RBFOX1: variants seen among roughly 807,000 people sequenced by gnomAD.
RBFOX1 encodes the protein RNA binding fox-1 homolog 1.
A neutral mutation model predicts 57.7 loss-of-function variants in RBFOX1; 8 were observed. The ratio of observed to expected loss-of-function variants is 0.14; its 90% CI spans 0.08 to 0.25. The LOEUF is 0.25. RBFOX1 is among the 10% of genes least tolerant of loss of function. RBFOX1 has a pLI of 1.00. For synonymous variants in RBFOX1, 326 were observed against 222.4 expected (o/e 1.47, Z -4.15); for missense variants, 611 against 548.5 (o/e 1.11, Z -1.14).
chr16:5,995,733 C>T (rs568150920), intron 4 of RBFOX1, among the ~76,000 whole-genome samples: 3 of 152,092 alleles, frequency 2.0e-5, no homozygotes, highest in Non-Finnish European at 4.4e-5. Context: ...GTTCCTGGGG[C>T]TCTTAGATCA....
chr16:7,407,402 G>GTGTGTA (rs1449028235), intron 4 of RBFOX1, among the ~76,000 whole-genome samples: 2 of 137,414 alleles, frequency 1.5e-5, no homozygotes, highest in Non-Finnish European at 3.1e-5. Context: ...GTGTGTGTGT[G>GTGTGTA]TGTATGTGTG....
At chr16:6,963,266 C>A (rs931964193) in intron 3 of RBFOX1, among the ~76,000 whole-genome samples, 1 of 152,032 alleles carries the variant, frequency 6.6e-6, no homozygotes, top group Admixed American at 6.6e-5. Context: ...GCTAGCCCAT[C>A]TTAGGGTCTT....
At chr16:6,711,193 T>A (rs1603450315) in intron 3 of RBFOX1, among the ~76,000 whole-genome samples, 1 of 152,352 alleles carries the variant, frequency 6.6e-6, no homozygotes, top group East Asian at 1.9e-4. Context: ...GGGACCATCA[T>A]CCTGAGCAGG....
chr16:5,587,350 C>T (rs2046866546), intron 2 of RBFOX1, among the ~76,000 whole-genome samples: 2 of 152,168 alleles, frequency 1.3e-5, no homozygotes, highest in Admixed American at 6.5e-5. Flanking sequence ...CGTCAGTCAT[C>T]GGGAAAATGC....
intron 13 of RBFOX1, among the ~76,000 whole-genome samples, chr16:7,675,924 G>A (rs1325466448): frequency 6.6e-6 from 1 of 152,142 alleles, no homozygotes; most frequent in Non-Finnish European, 1.5e-5. Context: ...TGAGCAAGAA[G>A]CTCTGTTATA....
intron 3 of RBFOX1, among the ~76,000 whole-genome samples, chr16:5,669,148 TGG>T (rs2049940083): frequency 6.6e-6 from 1 of 152,148 alleles, no homozygotes; most frequent in Non-Finnish European, 1.5e-5. Context: ...TCCAGAGGGT[TGG>T]CCTTTACCCC....
intron 1 of RBFOX1, among the ~76,000 whole-genome samples, chr16:6,285,168 C>G (rs1177077712): frequency 6.6e-6 from 1 of 152,072 alleles, no homozygotes; most frequent in African/African-American, 2.4e-5. Flanking sequence ...CTCAGTGGCC[C>G]TGGATAGGGG....
chr16:6,698,531 C>G (rs1163843256), intron 3 of RBFOX1, among the ~76,000 whole-genome samples: 1 of 152,138 alleles, frequency 6.6e-6, no homozygotes, highest in Non-Finnish European at 1.5e-5. Flanking sequence ...TTTCTTTTGT[C>G]TCTTCAAATT....
intron 3 of RBFOX1, among the ~76,000 whole-genome samples, chr16:6,880,903 A>T (rs989249483): frequency 6.6e-6 from 1 of 152,198 alleles, no homozygotes; most frequent in African/African-American, 2.4e-5. Context: ...GAAGCTGTTG[A>T]GCTTGAGCAG....
At chr16:7,177,999 A>G (rs561756664) in intron 4 of RBFOX1, among the ~76,000 whole-genome samples, 104 of 150,958 alleles carry the variant, frequency 6.9e-4, no homozygotes, top group African/African-American at 2.3e-3. Context: ...CTTCTGACCT[A>G]TTGATTCAGA....
rs1036875953 is a variant in RBFOX1 at position 7,034,605 on chromosome 16, G to A, written c.-15-17452G>A. ...GTGAAATATCCAGAGAAGATCCCTGGCAATGTTTTTGTGTCTATCTCATTG... is the reference window on the plus strand; with the variant it reads ...GTGAAATATCCAGAGAAGATCCCTGACAATGTTTTTGTGTCTATCTCATTG... On this transcript the variant is annotated intron_variant, in intron 3 of 15. Coordinates refer to ENST00000550418, the MANE Select transcript of RBFOX1 (RefSeq NM_018723.4). 2.6e-5 allele frequency among the ~76,000 whole-genome samples: 4 copies of A among 151,864 alleles called. 1 individual carries two copies. Among genetic ancestry groups the A allele is most frequent in the African/African-American group, 9.7e-5 (4 of 41,306 alleles).
At chr16:6,843,870 A>G (rs1055609753) in intron 3 of RBFOX1, among the ~76,000 whole-genome samples, 24 of 152,136 alleles carry the variant, frequency 1.6e-4, no homozygotes, top group Admixed American at 1.2e-3. Context: ...CAATATCTTC[A>G]TATCCCCTGG....
intron 3 of RBFOX1, among the ~76,000 whole-genome samples, chr16:7,039,283 C>G (rs184504864): frequency 1.3e-5 from 2 of 152,312 alleles, no homozygotes; most frequent in Admixed American, 1.3e-4. Context: ...TTAGCCTTGA[C>G]AAGCTCTTTC....
chr16:6,751,360 T>G (rs2074903733), intron 3 of RBFOX1, among the ~76,000 whole-genome samples: 2 of 152,200 alleles, frequency 1.3e-5, no homozygotes, highest in East Asian at 1.9e-4. Context: ...GAAAATGTAC[T>G]TAGAATGCAT....
rs2059924933 is a variant in RBFOX1, at chr16:5,969,667, G to A, written c.351+102332G>A. Among the ~76,000 whole-genome samples, 6 of 151,816 alleles carry A rather than the reference G, an allele frequency of 4.0e-5. 1 individual carries two copies. In the South Asian group the frequency reaches 1.0e-3, roughly 26 times the overall value. ...GATATTATATTTCATAAAATCTTAG[G>A]TAGCTTATCTAACTTCACAGAGCTC... On this transcript the variant is annotated intron_variant, in intron 4 of 19. Coordinates refer to the RBFOX1 transcript ENST00000641259.
At chr16:5,808,012 G>A (rs1230539871) in intron 3 of RBFOX1, among the ~76,000 whole-genome samples, 1 of 152,138 alleles carries the variant, frequency 6.6e-6, no homozygotes, top group Non-Finnish European at 1.5e-5. Flanking sequence ...CACCTATCAG[G>A]CTTACTCCTT....
intron 3 of RBFOX1, among the ~76,000 whole-genome samples, chr16:6,861,286 A>C (rs924344018): frequency 1.1e-4 from 16 of 152,148 alleles, no homozygotes; most frequent in Non-Finnish European, 1.9e-4. Context: ...AAAGGGTTTT[A>C]TACAAAAACA....
chr16:7,026,648 C>A (rs1045843777), intron 3 of RBFOX1, among the ~76,000 whole-genome samples: 2 of 152,172 alleles, frequency 1.3e-5, no homozygotes, highest in African/African-American at 2.4e-5. Context: ...GGTCAGGATC[C>A]AGCTGAAACA....
At chr16:6,536,165 A>T (rs1371654085) in intron 2 of RBFOX1, among the ~76,000 whole-genome samples, 3 of 152,356 alleles carry the variant, frequency 2.0e-5, no homozygotes, top group African/African-American at 7.2e-5. Flanking sequence ...AATCATCACA[A>T]GACTACAGTC....
Sources: gnomAD v4.1 joint callset for allele counts (sites outside exome capture counted in the v4.1 genomes callset) on GRCh38, gnomAD v4.1.1 for gene constraint, MANE v1.5 for transcripts, NCBI Gene and HGNC (gene_info 2026-07-23, HGNC 2026-07-21) for gene names.